STK35: variants seen among roughly 807,000 people sequenced by gnomAD.
STK35 encodes serine/threonine-protein kinase 35.
Under a neutral mutation model 37.3 loss-of-function variants are expected in STK35, and 17 were observed. That is an observed-to-expected ratio of 0.46 (90% CI 0.31 to 0.68). The LOEUF (loss-of-function observed/expected upper bound fraction) is 0.68, where lower values mean the gene tolerates loss of function less well. Among genes scored for constraint, STK35 ranks in the 30% least tolerant of loss-of-function variants. The pLI is 0.05. For synonymous variants in STK35, 385 were observed against 319.1 expected (o/e 1.21, Z -2.20); for missense variants, 595 against 746.7 (o/e 0.80, Z 2.37).
chr20:2,139,972 T>C (rs765365149), intron 3 of STK35, among the ~76,000 whole-genome samples: 6 of 152,218 alleles, frequency 3.9e-5, no homozygotes, highest in Non-Finnish European at 7.3e-5. Context: ...TTGGAAGCAC[T>C]GATTGAAGAC....
chr20:2,143,488 A>G (rs1041288980), intron 3 of STK35, among the ~76,000 whole-genome samples: 3 of 152,202 alleles, frequency 2.0e-5, no homozygotes, highest in African/African-American at 4.8e-5. Flanking sequence ...CGGGGAAGCC[A>G]GGGTTCAAGA....
At chr20:2,129,443 C>T (rs751840096) in intron 3 of STK35, among the ~76,000 whole-genome samples, 4 of 152,100 alleles carry the variant, frequency 2.6e-5, no homozygotes, top group Non-Finnish European at 5.9e-5. Context: ...TTCTCGGGCA[C>T]GCTGATGGCA....
intron 2 of STK35, among the ~76,000 whole-genome samples, chr20:2,109,890 C>T (rs1398281062): frequency 6.6e-6 from 1 of 152,212 alleles, no homozygotes; most frequent in Non-Finnish European, 1.5e-5. Flanking sequence ...GGAATGTTGA[C>T]CCCAGGCCTG....
At chr20:2,126,528 G>A (rs930770232) in intron 3 of STK35, among the ~76,000 whole-genome samples, 8 of 152,142 alleles carry the variant, frequency 5.3e-5, no homozygotes, top group South Asian at 2.1e-4. Flanking sequence ...TACTGTTCAG[G>A]TAGTGAAATT....
At chr20:2,141,249 AT>A (rs1158744202) in intron 3 of STK35, among the ~76,000 whole-genome samples, 1 of 152,108 alleles carries the variant, frequency 6.6e-6, no homozygotes, top group Non-Finnish European at 1.5e-5. Flanking sequence ...GTTTATGATG[AT>A]TTTCTTTTTC....
chr20:2,125,029 T>G lies in STK35; in HGVS notation c.*37+7614T>G, dbSNP rs1392732257. On this transcript the variant is annotated intron_variant, in intron 3 of 3. Coordinates refer to ENST00000381482, the MANE Select transcript of STK35 (RefSeq NM_080836.4). Reference sequence around the variant, plus strand: ...GCTCTGCAGGACTTGAAAGCATCCATGAGGGGACAGGCCTGGCCCGGGGCT... The same window carrying G: ...GCTCTGCAGGACTTGAAAGCATCCAGGAGGGGACAGGCCTGGCCCGGGGCT... Among the ~76,000 whole-genome samples, 6 of 152,288 alleles carry G rather than the reference T, an allele frequency of 3.9e-5. No homozygotes were observed. In the East Asian group the frequency reaches 1.2e-3, roughly 29 times the overall value.
chr20:2,103,026 T>C lies in STK35; in HGVS notation c.553T>C (p.Phe185Leu). The change falls in exon 2 of 4, where the codon TTC (phenylalanine) becomes CTC (leucine). Residue 185 changes from phenylalanine (F) to leucine (L), a missense_variant. This residue lies in a region of STK35 where 389 missense variants were observed against 320.0 expected (regional missense o/e 1.22). Transcript: ENST00000381482. ...PVAAEAPGEA[F>L]LARRRPEGGG... ...GGCGGCCGAGGCCCCGGGCGAGGCC[T>C]TCCTGGCGCGGCGACGGCCTGAGGG... The C allele has an allele frequency of 1.4e-6, 2 of 1,466,710 alleles. No homozygotes were observed. Among genetic ancestry groups the C allele is most frequent in the Non-Finnish European group, 1.8e-6 (2 of 1,120,318 alleles). The allele number at this position is 1,466,710 out of a possible 1,614,324, so 90.9% of individuals were successfully genotyped here.
chr20:2,105,380 G>T (rs1600597754), intron 2 of STK35, among the ~76,000 whole-genome samples: 1 of 152,062 alleles, frequency 6.6e-6, no homozygotes, highest in Non-Finnish European at 1.5e-5. Context: ...CGCCAGTCTC[G>T]AACCTTCAAC....
chr20:2,106,291 A>G (rs1037144248), intron 2 of STK35, among the ~76,000 whole-genome samples: 1 of 152,208 alleles, frequency 6.6e-6, no homozygotes, highest in African/African-American at 2.4e-5. Flanking sequence ...CTCTCATTAA[A>G]TAGAAAAGTC....
chr20:2,131,764 T>A (rs1469072800), intron 3 of STK35, among the ~76,000 whole-genome samples: 1 of 150,738 alleles, frequency 6.6e-6, no homozygotes, highest in East Asian at 2.1e-4. Flanking sequence ...TCACCCAGGC[T>A]GGAGTGCAGT....
At chr20:2,102,545 A>C (rs910750672) in intron 1 of STK35, among the ~76,000 whole-genome samples, 5 of 152,260 alleles carry the variant, frequency 3.3e-5, no homozygotes, top group African/African-American at 1.2e-4. Context: ...TAACAGAGAG[A>C]GCGGAGAGTT....
intron 3 of STK35, among the ~76,000 whole-genome samples, chr20:2,141,854 G>A (rs144464894): frequency 3.9e-5 from 6 of 152,268 alleles, no homozygotes; most frequent in Admixed American, 6.5e-5. Context: ...ATATCAGTGC[G>A]TTGAAGGATC....
chr20:2,111,319 G>A (rs762526861), intron 2 of STK35, among the ~76,000 whole-genome samples: 21 of 152,186 alleles, frequency 1.4e-4, no homozygotes, highest in Non-Finnish European at 5.9e-5. Flanking sequence ...TGCCCATAGC[G>A]TTGTCAGCAG....
chr20:2,104,592 T>C (rs1174103277), intron 2 of STK35, among the ~76,000 whole-genome samples: 2 of 148,960 alleles, frequency 1.3e-5, no homozygotes, highest in Non-Finnish European at 2.9e-5. Context: ...GAGGATGAAC[T>C]TTTTTAAGAG....
chr20:2,128,530 C>T (rs147918012), intron 3 of STK35, among the ~76,000 whole-genome samples: 1,964 of 152,230 alleles, frequency 0.013, 34 homozygotes, highest in African/African-American at 0.042. Context: ...AACTGACTCC[C>T]GCTCAGGCTC....
In STK35 at chr20:2,103,443, C is replaced by T. The variant is rs536775290; in HGVS notation, c.892+78C>T. 3.5e-5 allele frequency: 49 copies of T among 1,411,336 alleles called. 1 individual carries two copies. In the South Asian group the frequency reaches 4.3e-4, roughly 13 times the overall value. 87.4% of individuals were successfully genotyped at this position (1,411,336 alleles called of 1,614,324 possible). ...CCGGACGGCTTGGCCCACACTGTTC[C>T]TGGCCTTCCTAGGCCTCAGACCTGG... On this transcript the variant is annotated intron_variant, in intron 2 of 3. Coordinates refer to ENST00000381482, the MANE Select transcript of STK35 (RefSeq NM_080836.4).
intron 3 of STK35, among the ~76,000 whole-genome samples, chr20:2,126,236 C>G (rs1013463422): frequency 6.6e-6 from 1 of 152,162 alleles, no homozygotes; most frequent in African/African-American, 2.4e-5. Flanking sequence ...GGCACTTGCC[C>G]AGTGGAGGCA....
Position 2,101,876 on chromosome 20 carries a change from CG to C in STK35, c.-1del. Reference sequence around the variant, plus strand: ...TGCAGGGCTCACTCGGCTGGCGTCCCGGGGGATGGGCCACCAGGAGTCTCCG... The same window carrying C: ...TGCAGGGCTCACTCGGCTGGCGTCCCGGGGATGGGCCACCAGGAGTCTCCG... On this transcript the variant is annotated 5_prime_UTR_variant, in exon 1 of 4. Coordinates refer to ENST00000381482, the MANE Select transcript of STK35 (RefSeq NM_080836.4). The C allele has an allele frequency of 7.1e-7, 1 of 1,415,634 alleles. No homozygotes were observed. Among genetic ancestry groups the C allele is most frequent in the Non-Finnish European group, 9.2e-7 (1 of 1,082,142 alleles). 87.7% of individuals were successfully genotyped at this position (1,415,634 alleles called of 1,614,324 possible). A position where few individuals can be genotyped will look rare whatever the true frequency, so the allele number is the denominator to read the frequency against.
At chr20:2,135,952 C>T (rs1471472780) in intron 3 of STK35, among the ~76,000 whole-genome samples, 2 of 152,184 alleles carry the variant, frequency 1.3e-5, no homozygotes, top group Non-Finnish European at 2.9e-5. Flanking sequence ...GAGCCAGGAT[C>T]ATGCCTTTGC....
Sources: allele counts gnomAD v4.1 joint callset (sites outside exome capture counted in the v4.1 genomes callset), GRCh38; gene constraint gnomAD v4.1.1; regional missense constraint gnomAD v4.1.1; transcripts MANE v1.5; gene names NCBI Gene and HGNC (gene_info 2026-07-23, HGNC 2026-07-21).